ELMO1: variants seen among roughly 807,000 people sequenced by gnomAD.
The protein encoded by ELMO1 is engulfment and cell motility protein 1.
A neutral mutation model predicts 98.9 loss-of-function variants in ELMO1; 26 were observed. That is an observed-to-expected ratio of 0.26 (90% CI 0.19 to 0.36). The LOEUF (loss-of-function observed/expected upper bound fraction) is 0.36. Among genes scored for constraint, ELMO1 ranks in the 10% least tolerant of loss-of-function variants. The pLI, the probability that ELMO1 is intolerant of heterozygous loss-of-function variation, is 1.00. For synonymous variants in ELMO1, 346 were observed against 346.0 expected, an observed-to-expected ratio of 1.00 and a Z score of 0.00; for missense variants, 627 against 935.2, an observed-to-expected ratio of 0.67 and a Z score of 4.30.
intron 6 of ELMO1, among the ~76,000 whole-genome samples, chr7:37,244,859 T>C (rs1794918638): frequency 6.6e-6 from 1 of 152,250 alleles, no homozygotes; most frequent in Admixed American, 6.5e-5. Context: ...TGTGGGAAGA[T>C]GCTGCAATCA....
At chr7:37,104,873 G>C (rs1450715467) in intron 14 of ELMO1, among the ~76,000 whole-genome samples, 1 of 151,200 alleles carries the variant, frequency 6.6e-6, no homozygotes, top group African/African-American at 2.4e-5. Flanking sequence ...AAAAGAAAAC[G>C]CACACAGGGA....
At chr7:37,190,249 T>C (rs1477881614) in intron 13 of ELMO1, among the ~76,000 whole-genome samples, 3 of 152,182 alleles carry the variant, frequency 2.0e-5, no homozygotes, top group Non-Finnish European at 4.4e-5. Context: ...ACACGTTTCA[T>C]TTGTTCTGCA....
At chr7:36,918,539 G>A (rs12540485) in intron 16 of ELMO1, among the ~76,000 whole-genome samples, 10,193 of 152,132 alleles carry the variant, frequency 0.067, 445 homozygotes, top group African/African-American at 0.11. Context: ...CAATCCACTC[G>A]TTCCCTCCCC....
intron 13 of ELMO1, among the ~76,000 whole-genome samples, chr7:37,171,185 C>T (rs10248961): frequency 0.71 from 107,095 of 151,832 alleles, 40,453 homozygotes; most frequent in Non-Finnish European, 0.83. Flanking sequence ...GCCTATATAT[C>T]GTTAAGTCCA....
chr7:36,854,367 C>T lies in ELMO1; in HGVS notation c.*1184G>A, dbSNP rs1200641117. 2 of 152,424 alleles carry T rather than the reference C, an allele frequency of 1.3e-5. No individual in the cohort carries two copies. The highest frequency in any genetic ancestry group is 2.9e-5 in the Non-Finnish European group (2 of 68,018). The allele number at this position is 152,424 out of a possible 1,614,324, so 9.4% of individuals were successfully genotyped here. A position where few individuals can be genotyped will look rare whatever the true frequency, so the allele number is the denominator to read the frequency against. On this transcript the variant is annotated 3_prime_UTR_variant, in exon 22 of 22. Transcript: ENST00000310758. ...AAAACACCAGCTCCCCAAATCATCA[C>T]AATCCATTTTATTCCACAGCATGTT...
rs539495475 is a variant in ELMO1 at position 37,220,513 on chromosome 7, G to A, written c.780+2102C>T. 3.9e-4 allele frequency among the ~76,000 whole-genome samples: 60 copies of A among 152,202 alleles called. 1 individual carries two copies. Among genetic ancestry groups the A allele is most frequent in the African/African-American group, 1.4e-3 (59 of 41,538 alleles). On this transcript the variant is annotated intron_variant, in intron 10 of 21. Transcript: ENST00000310758. ...ATAATATATAGCCAAACTGTCTCCT[G>A]TCAGTCTTATGTTGCATAGTTTTCA...
rs141678296 is a variant in ELMO1 at position 37,106,710 on chromosome 7, T to C, written c.1192-9983A>G. On this transcript the variant is annotated intron_variant, in intron 14 of 21. Transcript: ENST00000310758. ...ATACAGAGGGGAACAAAGTGTGGCATTGGTACAAAGTCCTGTGGTATCATT... is the reference window on the plus strand; with the variant it reads ...ATACAGAGGGGAACAAAGTGTGGCACTGGTACAAAGTCCTGTGGTATCATT... 1.5e-3 allele frequency among the ~76,000 whole-genome samples: 226 copies of C among 152,222 alleles called. 2 individuals are homozygous for C. The highest frequency in any genetic ancestry group is 5.2e-3 in the African/African-American group (215 of 41,496).
intron 1 of ELMO1, among the ~76,000 whole-genome samples, chr7:37,422,675 G>A (rs190688421): frequency 7.2e-5 from 11 of 152,234 alleles, no homozygotes; most frequent in East Asian, 5.8e-4. Flanking sequence ...AAAAAAAAGC[G>A]TTTTAAAACT....
chr7:37,050,018 G>A (rs1323119054), intron 15 of ELMO1, among the ~76,000 whole-genome samples: 1 of 152,000 alleles, frequency 6.6e-6, no homozygotes, highest in African/African-American at 2.4e-5. Context: ...GACCTCAGGT[G>A]ATCTGCCCAC....
At chr7:36,925,774 A>T (rs1234688659) in intron 16 of ELMO1, among the ~76,000 whole-genome samples, 1 of 152,148 alleles carries the variant, frequency 6.6e-6, no homozygotes, top group Non-Finnish European at 1.5e-5. Context: ...ACCTCTGACA[A>T]ATCACCTACT....
intron 21 of ELMO1, among the ~76,000 whole-genome samples, chr7:36,857,965 G>A (rs1313918994): frequency 6.6e-6 from 1 of 152,150 alleles, no homozygotes; most frequent in Non-Finnish European, 1.5e-5. Flanking sequence ...CAACCCAATG[G>A]TGTTCCTACT....
At chr7:36,942,400 C>T (rs1219376860) in intron 16 of ELMO1, among the ~76,000 whole-genome samples, 4 of 152,200 alleles carry the variant, frequency 2.6e-5, no homozygotes, top group African/African-American at 9.7e-5. Context: ...AGCATGTCAA[C>T]AATGCTTAAA....
intron 2 of ELMO1, among the ~76,000 whole-genome samples, chr7:37,317,246 G>T (rs966661259): frequency 6.6e-6 from 1 of 152,088 alleles, no homozygotes; most frequent in Non-Finnish European, 1.5e-5. Context: ...CCTGCTAAAG[G>T]CCCAGTTCAG....
At chr7:36,964,086 C>T (rs1043636792) in intron 16 of ELMO1, among the ~76,000 whole-genome samples, 5 of 152,136 alleles carry the variant, frequency 3.3e-5, no homozygotes, top group Non-Finnish European at 7.4e-5. Context: ...GAATTTATGT[C>T]TGATTAAGGC....
At chr7:37,421,689 G>C (rs1804480546) in intron 1 of ELMO1, among the ~76,000 whole-genome samples, 1 of 152,196 alleles carries the variant, frequency 6.6e-6, no homozygotes, top group African/African-American at 2.4e-5. Flanking sequence ...GGATGAAGTT[G>C]CAAAAGGAAG....
At chr7:37,401,179 G>C (rs1335140524) in intron 1 of ELMO1, among the ~76,000 whole-genome samples, 1 of 152,194 alleles carries the variant, frequency 6.6e-6, no homozygotes, top group Non-Finnish European at 1.5e-5. Context: ...TCCCTGCAGA[G>C]ATGCCTACAC....
At chr7:37,259,459 T>C in intron 5 of ELMO1, 109 bp from the exon 6 acceptor site, 1 of 1,223,510 alleles carries the variant, frequency 8.2e-7, no homozygotes, top group Non-Finnish European at 1.2e-6. Flanking sequence ...AGCGCAAGAC[T>C]ATCTGCATAT....
chr7:37,188,084 C>G (rs1243937112), intron 13 of ELMO1, among the ~76,000 whole-genome samples: 2 of 152,082 alleles, frequency 1.3e-5, no homozygotes, highest in African/African-American at 4.8e-5. Context: ...CAATCATAAT[C>G]ACTTTTACCG....
intron 1 of ELMO1, among the ~76,000 whole-genome samples, chr7:37,374,263 A>G (rs1802235806): frequency 6.6e-6 from 1 of 152,210 alleles, no homozygotes; most frequent in African/African-American, 2.4e-5. Flanking sequence ...ACAGGGAGAG[A>G]AGGAGAGGGG....
Sources: allele counts gnomAD v4.1 joint callset (sites outside exome capture counted in the v4.1 genomes callset), GRCh38; gene constraint gnomAD v4.1.1; transcripts MANE v1.5; gene names NCBI Gene and HGNC (gene_info 2026-07-23, HGNC 2026-07-21).